The following RAB27B variants were observed in gnomAD, a reference collection of about 807,000 sequenced individuals.
RAB27B encodes ras-related protein Rab-27B.
RAB27B carries 15 observed loss-of-function variants against 24.6 expected under a neutral mutation model. That is an observed-to-expected ratio of 0.61 (90% confidence interval 0.41 to 0.94). The LOEUF (loss-of-function observed/expected upper bound fraction) is 0.94. RAB27B is among the 40% of genes least tolerant of loss of function. RAB27B has a pLI of 0.00. For missense variants in RAB27B, 261 were observed against 266.8 expected, an observed-to-expected ratio of 0.98 and a Z score of 0.15; for synonymous variants, 105 against 92.5, an observed-to-expected ratio of 1.14 and a Z score of -0.78.
chr18:54,889,486 T>A lies in RAB27B; in HGVS notation c.*73T>A. The A allele has an allele frequency of 1.4e-6, 2 of 1,391,756 alleles. No individual in the cohort carries two copies. The highest frequency in any genetic ancestry group is 1.9e-6 in the Non-Finnish European group (2 of 1,037,264). The allele number at this position is 1,391,756 out of a possible 1,614,324, so 86.2% of individuals were successfully genotyped here. A position where few individuals can be genotyped will look rare whatever the true frequency, so the allele number is the denominator to read the frequency against. ...TTAAAAACAATGACAAACCACACAA[T>A]TGTTGTTGAGTAAACCACGCACAAT... is the stretch of plus-strand genomic sequence containing the variant. On this transcript the variant is annotated 3_prime_UTR_variant, in exon 6 of 6. Transcript: ENST00000262094.
intron 2 of RAB27B, among the ~76,000 whole-genome samples, chr18:54,727,556 T>C (rs1258669233): frequency 1.3e-5 from 2 of 152,180 alleles, no homozygotes; most frequent in African/African-American, 2.4e-5. Flanking sequence ...CAAAAGTGTA[T>C]GCATTAAAAC....
At chr18:54,789,711 C>G (rs531782423) in intron 2 of RAB27B, among the ~76,000 whole-genome samples, 2 of 151,998 alleles carry the variant, frequency 1.3e-5, no homozygotes, top group Non-Finnish European at 2.9e-5. Flanking sequence ...GTTTTTAGAT[C>G]AAATAGTCTC....
intron 2 of RAB27B, among the ~76,000 whole-genome samples, chr18:54,748,625 A>G (rs1048109335): frequency 6.6e-6 from 1 of 152,156 alleles, no homozygotes; most frequent in East Asian, 1.9e-4. Flanking sequence ...TTGAGGCACA[A>G]ATTTGCATGT....
At chr18:54,885,405 T>C (rs1913092564) in intron 4 of RAB27B, among the ~76,000 whole-genome samples, 1 of 152,186 alleles carries the variant, frequency 6.6e-6, no homozygotes, top group Non-Finnish European at 1.5e-5. Context: ...ACTGTGATGA[T>C]GTCTGGGCTT....
chr18:54,793,538 G>A (rs1303655940), intron 2 of RAB27B, among the ~76,000 whole-genome samples: 1 of 152,196 alleles, frequency 6.6e-6, no homozygotes, highest in Admixed American at 6.5e-5. Flanking sequence ...TCTCAATTAA[G>A]GGGCGTTTGG....
Position 54,872,590 on chromosome 18 carries a change from A to C in RAB27B, c.-19-4977A>C, listed in dbSNP as rs1016911617. Among the ~76,000 whole-genome samples the C allele has an allele frequency of 2.7e-5, 4 of 149,996 alleles. No individual in the cohort carries two copies. The Admixed American group carries it at 2.7e-4, about 10-fold the overall frequency. ...CGGTGAGCTGAGATGGCGCCATTGC[A>C]CTCCAGCCTGGGCAAGAAGAGTGAA... On this transcript the variant is annotated intron_variant, in intron 1 of 5. Coordinates refer to ENST00000262094, the MANE Select transcript of RAB27B (RefSeq NM_004163.4).
intron 2 of RAB27B, among the ~76,000 whole-genome samples, chr18:54,772,324 C>T (rs1219334351): frequency 2.6e-5 from 4 of 152,094 alleles, no homozygotes; most frequent in Non-Finnish European, 5.9e-5. Context: ...TGCTATGGAC[C>T]CAGGGGGTGA....
At chr18:54,743,672 T>C (rs1336025555) in intron 2 of RAB27B, among the ~76,000 whole-genome samples, 2 of 152,082 alleles carry the variant, frequency 1.3e-5, no homozygotes, top group Non-Finnish European at 2.9e-5. Context: ...AAGGTAAATA[T>C]GGCTAGAATA....
chr18:54,761,171 A>G (rs1908176027), intron 2 of RAB27B, among the ~76,000 whole-genome samples: 1 of 152,150 alleles, frequency 6.6e-6, no homozygotes. Flanking sequence ...AGCACTCAGA[A>G]GTTCATACTG....
intron 2 of RAB27B, among the ~76,000 whole-genome samples, chr18:54,793,344 C>G: frequency 6.6e-6 from 1 of 152,176 alleles, no homozygotes; most frequent in East Asian, 1.9e-4. Flanking sequence ...GATCTCACAC[C>G]TTCTCATTTC....
intron 3 of RAB27B, among the ~76,000 whole-genome samples, chr18:54,882,772 CA>C (rs1912978965): frequency 6.6e-6 from 1 of 152,148 alleles, no homozygotes; most frequent in South Asian, 2.1e-4. Flanking sequence ...GATAGATGAA[CA>C]AAGATCACTT....
intron 1 of RAB27B, among the ~76,000 whole-genome samples, chr18:54,858,633 C>T (rs1157822249): frequency 6.6e-6 from 1 of 152,068 alleles, no homozygotes; most frequent in African/African-American, 2.4e-5. Context: ...ACCTCGTGAT[C>T]CCTCCTAAAG....
chr18:54,807,049 C>T (rs926033817), intron 2 of RAB27B, among the ~76,000 whole-genome samples: 4 of 152,160 alleles, frequency 2.6e-5, no homozygotes, highest in Admixed American at 1.3e-4. Flanking sequence ...TACAGGTGCA[C>T]GCCACCACAC....
In RAB27B at chr18:54,894,697, C is replaced by T. The variant is rs1191282917; in HGVS notation, c.*5284C>T. ...GTGTTTATATGTGCTTCACAGAGTT[C>T]GTGTCAGGCTCAAAGGAGATATGTA... On this transcript the variant is annotated 3_prime_UTR_variant, in exon 6 of 6. Transcript: ENST00000262094. The T allele has an allele frequency of 6.6e-6, 1 of 151,844 alleles. No individual in the cohort carries two copies. Among genetic ancestry groups the T allele is most frequent in the East Asian group, 1.9e-4 (1 of 5,182 alleles). 9.4% of individuals were successfully genotyped at this position (151,844 alleles called of 1,614,324 possible).
At chr18:54,725,866 T>C (rs926981024) in intron 2 of RAB27B, among the ~76,000 whole-genome samples, 1 of 151,632 alleles carries the variant, frequency 6.6e-6, no homozygotes. Context: ...TCATAGTCTA[T>C]GCAATGTGTT....
intron 1 of RAB27B, among the ~76,000 whole-genome samples, chr18:54,841,589 A>G (rs1911123748): frequency 6.6e-6 from 1 of 152,178 alleles, no homozygotes; most frequent in Non-Finnish European, 1.5e-5. Flanking sequence ...TTAGTAACTG[A>G]TCAACTAGCC....
chr18:54,783,177 G>A (rs1434062168), intron 2 of RAB27B, among the ~76,000 whole-genome samples: 1 of 151,896 alleles, frequency 6.6e-6, no homozygotes, highest in Non-Finnish European at 1.5e-5. Context: ...ATGTTGGCCA[G>A]GCTGGTCTTG....
chr18:54,790,382 A>G (rs1002140980), intron 2 of RAB27B, among the ~76,000 whole-genome samples: 5 of 151,992 alleles, frequency 3.3e-5, no homozygotes, highest in Admixed American at 3.3e-4. Context: ...CTTTTCAAAT[A>G]CTCCCAACCA....
chr18:54,770,477 A>G (rs1191596841), intron 2 of RAB27B, among the ~76,000 whole-genome samples: 2 of 151,782 alleles, frequency 1.3e-5, no homozygotes, highest in Admixed American at 6.6e-5. Context: ...AGATGGGACC[A>G]TCTAGTTGCA....
Sources: gnomAD v4.1 joint callset for allele counts (sites outside exome capture counted in the v4.1 genomes callset) on GRCh38, gnomAD v4.1.1 for gene constraint, MANE v1.5 for transcripts, NCBI Gene and HGNC (gene_info 2026-07-23, HGNC 2026-07-21) for gene names.